Variants in TUT4 observed in about 807,000 individuals in gnomAD.
TUT4 encodes terminal uridylyltransferase 4.
A neutral mutation model predicts 192.2 loss-of-function variants in TUT4; 36 were observed. The observed-to-expected ratio is 0.19, with a 90% CI of 0.14 to 0.25. The LOEUF is 0.25. TUT4 is among the 10% of genes least tolerant of loss of function. The pLI, the probability that TUT4 is intolerant of heterozygous loss-of-function variation, is 1.00. For missense variants in TUT4, 1,493 were observed against 1,957.2 expected, an observed-to-expected ratio of 0.76 and a Z score of 4.47; for synonymous variants, 618 against 666.0, an observed-to-expected ratio of 0.93 and a Z score of 1.11.
chr1:52,512,557 G>T (rs1194447623), intron 3 of TUT4, among the ~76,000 whole-genome samples: 3 of 152,016 alleles, frequency 2.0e-5, no homozygotes, highest in African/African-American at 7.3e-5. Flanking sequence ...GGCACATATT[G>T]GGCACAACAT....
chr1:52,457,456 G>C (rs373929446), intron 20 of TUT4, among the ~76,000 whole-genome samples: 1 of 151,742 alleles, frequency 6.6e-6, no homozygotes, highest in South Asian at 2.1e-4. Context: ...GGATGGTCTC[G>C]ATCTCTTGAC....
At chr1:52,502,012 C>A (rs995281639) in intron 4 of TUT4, among the ~76,000 whole-genome samples, 3 of 151,790 alleles carry the variant, frequency 2.0e-5, no homozygotes, top group Admixed American at 2.0e-4. Context: ...TGAAAAAGTT[C>A]TGAATGAAGG....
intron 6 of TUT4, among the ~76,000 whole-genome samples, chr1:52,495,138 A>G (rs1385259889): frequency 6.6e-6 from 1 of 152,062 alleles, no homozygotes; most frequent in East Asian, 1.9e-4. Context: ...AACTCTTCCC[A>G]CCTTCTATAC....
intron 1 of TUT4, among the ~76,000 whole-genome samples, chr1:52,529,464 G>A (rs1643529663): frequency 6.6e-6 from 1 of 152,204 alleles, no homozygotes; most frequent in South Asian, 2.1e-4. Flanking sequence ...CAACTAAAAT[G>A]AGCTCTGTTT....
intron 2 of TUT4, among the ~76,000 whole-genome samples, chr1:52,516,288 T>C (rs1181466972): frequency 6.6e-6 from 1 of 152,140 alleles, no homozygotes; most frequent in Non-Finnish European, 1.5e-5. Context: ...TCTTCCAATC[T>C]ATCCATCAAG....
Position 52,516,402 on chromosome 1 carries a change from T to C in TUT4, c.719-348A>G, listed in dbSNP as rs371811876. 1.6e-4 allele frequency among the ~76,000 whole-genome samples: 24 copies of C among 152,308 alleles called. 1 individual carries two copies. In the South Asian group the frequency reaches 3.9e-3, roughly 25 times the overall value. On this transcript the variant is annotated intron_variant, in intron 2 of 29. Transcript: ENST00000257177. ...GAAGTCAATCTGATAAAAAAACTGT[T>C]TGGAGTCCCACTCAAAGAAGATTAG...
intron 4 of TUT4, among the ~76,000 whole-genome samples, chr1:52,506,359 A>G (rs894578632): frequency 1.3e-5 from 2 of 152,208 alleles, no homozygotes; most frequent in African/African-American, 2.4e-5. Flanking sequence ...TCTGGTTTGA[A>G]TATCAGAGTT....
At chr1:52,521,388 T>C (rs553814040) in intron 2 of TUT4, among the ~76,000 whole-genome samples, 25 of 152,218 alleles carry the variant, frequency 1.6e-4, no homozygotes, top group African/African-American at 5.8e-4. Flanking sequence ...GATCTAGCCA[T>C]GTATGGTAGC....
intron 1 of TUT4, among the ~76,000 whole-genome samples, chr1:52,537,671 G>A (rs995628645): frequency 2.0e-5 from 3 of 152,070 alleles, no homozygotes; most frequent in South Asian, 2.1e-4. Context: ...TCAGCACTTC[G>A]AGAGGCCAGG....
Position 52,466,956 on chromosome 1 carries a change from C to T in TUT4, c.2965+1225G>A, listed in dbSNP as rs567988271. Among the ~76,000 whole-genome samples the T allele has an allele frequency of 3.3e-5, 5 of 151,854 alleles. No homozygotes were observed. The South Asian group carries it at 6.2e-4, about 19-fold the overall frequency. Reference sequence around the variant, plus strand: ...TGCTGGGATTATAGGTGTAAGCCACCGCACCTGGCCAAAAAAAATATTTCT... The same window carrying T: ...TGCTGGGATTATAGGTGTAAGCCACTGCACCTGGCCAAAAAAAATATTTCT... On this transcript the variant is annotated intron_variant, in intron 15 of 29. Transcript: ENST00000257177.
At chr1:52,518,856 G>T (rs1307886642) in intron 2 of TUT4, among the ~76,000 whole-genome samples, 2 of 152,074 alleles carry the variant, frequency 1.3e-5, no homozygotes, top group Non-Finnish European at 2.9e-5. Flanking sequence ...TTTCCTTTTG[G>T]GATGATGAAA....
chr1:52,526,165 T>C lies in TUT4; in HGVS notation c.116A>G (p.Asp39Gly). Reference protein sequence around the residue: ...IGNQTLKARNDKSVKEIENSS... With the variant: ...IGNQTLKARNGKSVKEIENSS... Reference sequence around the variant, plus strand: ...GTTCTCAATTTCTTTTACGGATTTATCATTTCTAGCTTTCAATGTTTGATT... The same window carrying C: ...GTTCTCAATTTCTTTTACGGATTTACCATTTCTAGCTTTCAATGTTTGATT... Residue 39 changes from aspartate to glycine, a missense_variant, in exon 2 of 30, where the codon GAT (aspartate) becomes GGT (glycine). Physicochemically the swap from Asp to Gly is moderately conservative, Grantham distance 94. Around this residue, in one of 7 missense-constraint regions of TUT4, gnomAD observed 260 missense variants for 247.8 expected, o/e 1.05. Transcript: ENST00000257177. 6.2e-7 allele frequency: 1 copy of C among 1,612,590 alleles called. No individual in the cohort carries two copies.
chr1:52,462,675 T>C, intron 16 of TUT4: 1 of 971,150 alleles, frequency 1.0e-6, no homozygotes, highest in Non-Finnish European at 1.2e-6. Context: ...AGCCTTTAAA[T>C]CTGTGAGTTA....
chr1:52,515,354 C>T (rs1678444345), intron 3 of TUT4: 1 of 155,524 alleles, frequency 6.4e-6, no homozygotes, highest in Admixed American at 6.4e-5. Flanking sequence ...AAAACAAGTG[C>T]TCAGTGTCTA....
At chr1:52,438,082 C>T in intron 25 of TUT4, 138 bp downstream of exon 25, 1 of 584,072 alleles carries the variant, frequency 1.7e-6, no homozygotes, top group Non-Finnish European at 2.9e-6. Flanking sequence ...TACAAAATTC[C>T]ACTCAAATGA....
chr1:52,502,609 CTTTTTT>C (rs919559320), intron 4 of TUT4, among the ~76,000 whole-genome samples: 10 of 82,128 alleles, frequency 1.2e-4, no homozygotes, highest in African/African-American at 2.1e-4. Context: ...TCTTAGCCCT[CTTTTTT>C]TTTTTTTTTT....
rs558485775 is a variant in TUT4, at chr1:52,471,242, C to T, written c.2878+710G>A. Among the ~76,000 whole-genome samples the T allele has an allele frequency of 4.6e-5, 7 of 152,232 alleles. No homozygotes were observed. The South Asian group carries it at 1.5e-3, about 32-fold the overall frequency. ...ATGTTGGCCAGGCTGGTCTCGAACT[C>T]CTGACCTCATGATCGGCCCACCTCG... On this transcript the variant is annotated intron_variant, in intron 14 of 29. Coordinates refer to ENST00000257177, the MANE Select transcript of TUT4 (RefSeq NM_001009881.3).
In TUT4 at chr1:52,425,343, T is replaced by C. The variant is rs761965997; in HGVS notation, c.4870+6A>G. On this transcript the variant is annotated splice_donor_region_variant and intron_variant, in intron 29 of 29. Coordinates refer to ENST00000257177, the MANE Select transcript of TUT4 (RefSeq NM_001009881.3). ...AGCCTGTTAACTAATTTGTAAGCAG[T>C]GGTACCTTGAGTATAGAAAGGTTTG... The C allele has an allele frequency of 6.2e-7, 1 of 1,613,036 alleles. No individual in the cohort carries two copies. Among genetic ancestry groups the C allele is most frequent in the South Asian group, 1.1e-5 (1 of 90,914 alleles).
At chr1:52,474,796 C>G in intron 13 of TUT4, 36 bp downstream of exon 13, 1 of 1,515,406 alleles carries the variant, frequency 6.6e-7, no homozygotes, top group Non-Finnish European at 8.8e-7. Context: ...ACAACAACCA[C>G]AAAATCTTAC....
Sources: allele counts gnomAD v4.1 joint callset (sites outside exome capture counted in the v4.1 genomes callset), GRCh38; gene constraint gnomAD v4.1.1; regional missense constraint gnomAD v4.1.1; transcripts MANE v1.5; gene names NCBI Gene and HGNC (gene_info 2026-07-23, HGNC 2026-07-21).